The following GABRB1 variants were observed in gnomAD, a reference collection of about 807,000 sequenced individuals.
The protein encoded by GABRB1 is gamma-aminobutyric acid receptor subunit beta-1.
In GABRB1, 17 loss-of-function variants were observed where a neutral mutation model predicts 51.6. The observed-to-expected ratio is 0.33, with a 90% CI of 0.23 to 0.49. The LOEUF (loss-of-function observed/expected upper bound fraction) is 0.49. GABRB1 is among the 20% of genes least tolerant of loss of function. GABRB1 has a pLI of 0.99. For missense variants in GABRB1, 410 were observed against 600.6 expected (o/e 0.68, Z 3.32); for synonymous variants, 247 against 218.9 (o/e 1.13, Z -1.14).
At chr4:47,003,627 A>G (rs1724295329) in intron 1 of GABRB1, among the ~76,000 whole-genome samples, 1 of 152,190 alleles carries the variant, frequency 6.6e-6, no homozygotes, top group Non-Finnish European at 1.5e-5. Flanking sequence ...CAGAGCTAAA[A>G]CAGAACCAGA....
rs1716425009 is a variant in GABRB1, at chr4:47,131,709, A to T, written c.241-29540A>T. Among the ~76,000 whole-genome samples, 4 of 152,242 alleles carry T rather than the reference A, an allele frequency of 2.6e-5. No individual in the cohort carries two copies. The South Asian group carries it at 8.3e-4, about 32-fold the overall frequency. On this transcript the variant is annotated intron_variant, in intron 3 of 8. Coordinates refer to ENST00000295454, the MANE Select transcript of GABRB1 (RefSeq NM_000812.4). ...GTTACGATATGGTAAAAGAACCAAT[A>T]CCTGGGGTATTAGGGCCCAGTTTAT...
intron 4 of GABRB1, among the ~76,000 whole-genome samples, chr4:47,174,659 T>C (rs901068922): frequency 2.0e-5 from 3 of 152,160 alleles, no homozygotes; most frequent in Admixed American, 6.6e-5. Context: ...TTGGGGATTC[T>C]AAATGCATTT....
intron 3 of GABRB1, among the ~76,000 whole-genome samples, chr4:47,158,470 T>C (rs1317859680): frequency 6.6e-6 from 1 of 152,112 alleles, no homozygotes. Flanking sequence ...TTTTCACCAT[T>C]ACACATTAAA....
At chr4:46,994,081 T>C (rs1175748788) in intron 1 of GABRB1, 2 of 152,262 alleles carry the variant, frequency 1.3e-5, no homozygotes, top group African/African-American at 2.4e-5. Flanking sequence ...TCAGGTGTTA[T>C]GGGGGGCGGT....
At position 47,195,480 on chromosome 4, in the gene GABRB1, TA is replaced by T. The variant is rs58961425; in HGVS notation, c.461+34012del. ...ATTAGATGATAGATAGATAGATAGA[TA>T]GATAGATAGATAGATAGATAGATAG... On this transcript the variant is annotated intron_variant, in intron 4 of 8. Transcript: ENST00000295454. Among the ~76,000 whole-genome samples the T allele has an allele frequency of 9.8e-3, 744 of 75,642 alleles. 5 individuals are homozygous for T. Among genetic ancestry groups the T allele is most frequent in the South Asian group, 0.02 (44 of 2,240 alleles). 49.6% of individuals were successfully genotyped at this position (75,642 alleles called of 152,430 possible).
At chr4:47,276,973 C>T (rs144720086) in intron 4 of GABRB1, among the ~76,000 whole-genome samples, 37 of 152,140 alleles carry the variant, frequency 2.4e-4, no homozygotes, top group African/African-American at 8.7e-4. Flanking sequence ...AACCTGGTAT[C>T]TAGGATCCCC....
intron 4 of GABRB1, among the ~76,000 whole-genome samples, chr4:47,202,579 G>T (rs1046334410): frequency 1.3e-5 from 2 of 152,088 alleles, no homozygotes; most frequent in African/African-American, 4.8e-5. Flanking sequence ...GTAGTCAACT[G>T]GTTCCCACAG....
At chr4:47,251,192 C>A (rs1325617354) in intron 4 of GABRB1, among the ~76,000 whole-genome samples, 1 of 152,114 alleles carries the variant, frequency 6.6e-6, no homozygotes, top group Non-Finnish European at 1.5e-5. Context: ...TTCTTGTGGG[C>A]TCAACTGCAG....
chr4:47,405,718 G>A (rs959384363), intron 7 of GABRB1, among the ~76,000 whole-genome samples: 1 of 152,034 alleles, frequency 6.6e-6, no homozygotes, highest in Non-Finnish European at 1.5e-5. Flanking sequence ...GTTTAAAACT[G>A]TACAACACTA....
At chr4:47,343,061 A>G (rs1725961173) in intron 5 of GABRB1, among the ~76,000 whole-genome samples, 1 of 151,996 alleles carries the variant, frequency 6.6e-6, no homozygotes, top group Admixed American at 6.6e-5. Context: ...AGGGCATCTG[A>G]GAAAATGCCA....
intron 4 of GABRB1, among the ~76,000 whole-genome samples, chr4:47,312,344 A>G (rs1186370588): frequency 1.3e-5 from 2 of 152,192 alleles, no homozygotes; most frequent in East Asian, 3.9e-4. Flanking sequence ...CAGACTAGCC[A>G]AAATCCTGTC....
chr4:47,129,209 G>A (rs190605712), intron 3 of GABRB1, among the ~76,000 whole-genome samples: 144 of 152,154 alleles, frequency 9.5e-4, no homozygotes, highest in Admixed American at 2.8e-3. Context: ...ATCTTTGAGT[G>A]TTAAAATTAA....
chr4:47,220,896 G>T (rs1014389068), intron 4 of GABRB1, among the ~76,000 whole-genome samples: 1 of 151,920 alleles, frequency 6.6e-6, no homozygotes. Context: ...TTTGATCAAA[G>T]CATCGCTCTA....
chr4:47,334,063 C>A (rs1260140053), intron 5 of GABRB1, among the ~76,000 whole-genome samples: 2 of 152,114 alleles, frequency 1.3e-5, no homozygotes, highest in South Asian at 4.1e-4. Context: ...GTGAGATGCA[C>A]CTTGCAGTGC....
chr4:47,019,637 T>C lies in GABRB1; in HGVS notation c.-19-12277T>C, dbSNP rs559127625. Among the ~76,000 whole-genome samples, 224 of 117,414 alleles carry C rather than the reference T, an allele frequency of 1.9e-3. 1 individual carries two copies. Among genetic ancestry groups the C allele is most frequent in the Middle Eastern group, 0.012 (3 of 256 alleles). The allele number at this position is 117,414 out of a possible 152,430, so 77.0% of individuals were successfully genotyped here. A position where few individuals can be genotyped will look rare whatever the true frequency, so the allele number is the denominator to read the frequency against. On this transcript the variant is annotated intron_variant, in intron 1 of 3. Coordinates refer to the GABRB1 transcript ENST00000513567. Reference sequence around the variant, plus strand: ...TCTTTCTTTCTCTCTCTTTCTTTCTTTCTTTCTTTCTTTCTTTCTTTCTTT... The same window carrying C: ...TCTTTCTTTCTCTCTCTTTCTTTCTCTCTTTCTTTCTTTCTTTCTTTCTTT...
intron 4 of GABRB1, among the ~76,000 whole-genome samples, chr4:47,285,524 A>G (rs1447424915): frequency 6.6e-6 from 1 of 152,166 alleles, no homozygotes; most frequent in Non-Finnish European, 1.5e-5. Flanking sequence ...AGCATTCCTA[A>G]CTATGAGCCA....
intron 4 of GABRB1, among the ~76,000 whole-genome samples, chr4:47,222,523 T>A (rs1720804301): frequency 6.6e-6 from 1 of 152,116 alleles, no homozygotes; most frequent in African/African-American, 2.4e-5. Context: ...TGCCACCATG[T>A]GAAGAAGCCA....
chr4:47,028,274 A>G (rs1725165494), upstream of GABRB1, among the ~76,000 whole-genome samples: 1 of 151,764 alleles, frequency 6.6e-6, no homozygotes, highest in African/African-American at 2.4e-5. Context: ...TAAGCACATC[A>G]TAAAGAATGA....
chr4:47,052,551 T>C (rs1726399281), intron 3 of GABRB1, among the ~76,000 whole-genome samples: 2 of 152,226 alleles, frequency 1.3e-5, no homozygotes, highest in South Asian at 4.1e-4. Context: ...GGAGCTAGTA[T>C]AGCCACAGTG....
Sources: gnomAD v4.1 joint callset for allele counts (sites outside exome capture counted in the v4.1 genomes callset) on GRCh38, gnomAD v4.1.1 for gene constraint, MANE v1.5 for transcripts, NCBI Gene and HGNC (gene_info 2026-07-23, HGNC 2026-07-21) for gene names.